The following DNAH11 variants were observed in gnomAD, a reference collection of about 807,000 sequenced individuals.
DNAH11 encodes dynein axonemal heavy chain 11.
A neutral mutation model predicts 526.0 loss-of-function variants in DNAH11; 442 were observed. The observed-to-expected ratio is 0.84, with a 90% confidence interval of 0.78 to 0.91. The LOEUF is 0.91. Among genes scored for constraint, DNAH11 ranks in the 40% least tolerant of loss-of-function variants. The pLI is 0.00. For synonymous variants in DNAH11, 2,461 were observed against 1,935.9 expected (o/e 1.27, Z -7.12); for missense variants, 6,989 against 5,448.7 (o/e 1.28, Z -8.90).
chr7:21,722,118 T>C (rs189847234), intron 44 of DNAH11, among the ~76,000 whole-genome samples: 119 of 152,322 alleles, frequency 7.8e-4, no homozygotes, highest in African/African-American at 2.7e-3. Flanking sequence ...TTTGCAGATC[T>C]AATTGCCACC....
chr7:21,603,692 C>G (rs545022865), intron 18 of DNAH11, among the ~76,000 whole-genome samples: 1 of 152,130 alleles, frequency 6.6e-6, no homozygotes. Flanking sequence ...TAGACAGATA[C>G]ATACATAACA....
intron 62 of DNAH11, among the ~76,000 whole-genome samples, chr7:21,802,246 A>T (rs1789027091): frequency 2.0e-5 from 3 of 152,364 alleles, no homozygotes; most frequent in South Asian, 4.1e-4. Context: ...GCTCAACTCC[A>T]TTAGTCGTTA....
At chr7:21,572,913 CCTTGTAAGATGCCTGG>C (rs1030989942) in intron 8 of DNAH11, among the ~76,000 whole-genome samples, 2 of 152,124 alleles carry the variant, frequency 1.3e-5, no homozygotes, top group African/African-American at 4.8e-5. Context: ...ATCCCCAAAG[CCTTGTAAGATGCCTGG>C]CACTTGGAAG....
chr7:21,543,198 C>A lies in DNAH11; in HGVS notation c.-48C>A. The A allele has an allele frequency of 2.0e-6, 3 of 1,468,558 alleles. No individual in the cohort carries two copies. Among genetic ancestry groups the A allele is most frequent in the South Asian group, 1.4e-5 (1 of 72,086 alleles). 91.0% of individuals were successfully genotyped at this position (1,468,558 alleles called of 1,614,324 possible). On this transcript the variant is annotated 5_prime_UTR_variant, in exon 1 of 82. Transcript: ENST00000409508. ...TCGCTCACTTCGGGGGGCCCAGAGT[C>A]TCGGGTGAGGAGCCAGCCGGCCTCG...
intron 62 of DNAH11, 80 bp downstream of exon 62, chr7:21,801,355 A>C: frequency 6.5e-7 from 1 of 1,542,842 alleles, no homozygotes; most frequent in Non-Finnish European, 8.8e-7. Context: ...CATCAATAAT[A>C]ACTAAATAGA....
intron 66 of DNAH11, among the ~76,000 whole-genome samples, chr7:21,849,136 C>T (rs569765371): frequency 5.9e-5 from 9 of 152,332 alleles, no homozygotes; most frequent in South Asian, 2.1e-4. Flanking sequence ...CCACCTGCCT[C>T]GGCCTCCCAA....
At position 21,564,323 on chromosome 7, in the gene DNAH11, C is replaced by G; in HGVS notation, c.1120C>G (p.His374Asp). 2 of 1,613,582 alleles carry G rather than the reference C, an allele frequency of 1.2e-6. No individual in the cohort carries two copies. Among genetic ancestry groups the G allele is most frequent in the Non-Finnish European group, 1.7e-6 (2 of 1,179,726 alleles). ...LFHTICLIWSHSKFYNTPARV... is the reference protein window; with the variant it reads ...LFHTICLIWSDSKFYNTPARV... Reference sequence around the variant, plus strand: ...TCATACCATCTGTCTGATCTGGAGTCATTCCAAGTTTTATAACACCCCAGC... The same window carrying G: ...TCATACCATCTGTCTGATCTGGAGTGATTCCAAGTTTTATAACACCCCAGC... Residue 374 changes from histidine (H) to aspartate (D), a missense_variant, in exon 6 of 82, where the codon CAT becomes GAT. His to Asp is a moderately conservative substitution (Grantham distance 81). Coordinates refer to ENST00000409508, the MANE Select transcript of DNAH11 (RefSeq NM_001277115.2).
intron 20 of DNAH11, among the ~76,000 whole-genome samples, chr7:21,607,147 C>G (rs1230580766): frequency 1.3e-5 from 2 of 152,214 alleles, no homozygotes; most frequent in Non-Finnish European, 2.9e-5. Context: ...AGGCCCCAGA[C>G]TCCCTAGCAA....
At chr7:21,764,040 G>A (rs1467848905) in intron 54 of DNAH11, among the ~76,000 whole-genome samples, 1 of 151,894 alleles carries the variant, frequency 6.6e-6, no homozygotes, top group Non-Finnish European at 1.5e-5. Flanking sequence ...TGGAGGGAGG[G>A]GAAATAGAGA....
chr7:21,883,617 G>A (rs1784013230), intron 75 of DNAH11, among the ~76,000 whole-genome samples: 1 of 152,162 alleles, frequency 6.6e-6, no homozygotes, highest in East Asian at 1.9e-4. Context: ...CTGATATAAA[G>A]CAGATAATAA....
intron 36 of DNAH11, among the ~76,000 whole-genome samples, chr7:21,698,583 C>G (rs1037520528): frequency 2.0e-5 from 3 of 152,160 alleles, no homozygotes; most frequent in Non-Finnish European, 4.4e-5. Context: ...GCTTTCCATT[C>G]CTGAGTTACT....
chr7:21,797,405 G>A (rs1788768695), intron 61 of DNAH11, among the ~76,000 whole-genome samples: 1 of 151,540 alleles, frequency 6.6e-6, no homozygotes, highest in South Asian at 2.1e-4. Flanking sequence ...TTTTAGTAGA[G>A]ACGGGGTTTC....
intron 9 of DNAH11, among the ~76,000 whole-genome samples, chr7:21,583,584 G>A (rs1309575515): frequency 6.6e-6 from 1 of 152,132 alleles, no homozygotes. Context: ...TTGACAAATG[G>A]GATCTAATTA....
In DNAH11 at chr7:21,717,758, T is replaced by C; in HGVS notation, c.6984-17T>C. Reference sequence around the variant, plus strand: ...AAGCCTAGTGTTCAATAAAAGCTTTTCTGTGTTCCTTTTCAGGTATGTGGC... The same window carrying C: ...AAGCCTAGTGTTCAATAAAAGCTTTCCTGTGTTCCTTTTCAGGTATGTGGC... On this transcript the variant is annotated splice_polypyrimidine_tract_variant and intron_variant, in intron 42 of 81. Coordinates refer to ENST00000409508, the MANE Select transcript of DNAH11 (RefSeq NM_001277115.2). 6.2e-7 allele frequency: 1 copy of C among 1,613,430 alleles called. No individual in the cohort carries two copies. The highest frequency in any genetic ancestry group is 8.5e-7 in the Non-Finnish European group (1 of 1,179,660).
At chr7:21,567,670 C>A (rs761021266) in intron 6 of DNAH11, among the ~76,000 whole-genome samples, 1 of 152,216 alleles carries the variant, frequency 6.6e-6, no homozygotes, top group Non-Finnish European at 1.5e-5. Context: ...CCTTTCTGAT[C>A]TACTTTACTC....
At chr7:21,738,642 T>G in intron 46 of DNAH11, 59 bp from the exon 47 acceptor site, 3 of 1,471,758 alleles carry the variant, frequency 2.0e-6, no homozygotes, top group Non-Finnish European at 1.8e-6. Flanking sequence ...AAGAGAAAAA[T>G]GACTAAATGA....
chr7:21,623,944 A>T lies in DNAH11; in HGVS notation c.4500+3866A>T, dbSNP rs185638334. Among the ~76,000 whole-genome samples, 544 of 151,704 alleles carry T rather than the reference A, an allele frequency of 3.6e-3. 5 individuals carry two copies. The highest frequency in any genetic ancestry group is 0.013 in the African/African-American group (526 of 41,436). On this transcript the variant is annotated intron_variant, in intron 25 of 81. Transcript: ENST00000409508. ...ACTAACCTGCACATTGTGCACATGTACCCTAAAACTTAAAGTATAATAATA... is the reference window on the plus strand; with the variant it reads ...ACTAACCTGCACATTGTGCACATGTTCCCTAAAACTTAAAGTATAATAATA...
chr7:21,723,976 C>T (rs1784979574), intron 44 of DNAH11, among the ~76,000 whole-genome samples: 1 of 152,356 alleles, frequency 6.6e-6, no homozygotes, highest in South Asian at 2.1e-4. Flanking sequence ...GACGACACAT[C>T]TTCATGTTCC....
chr7:21,844,962 G>C (rs1375972471), intron 66 of DNAH11, among the ~76,000 whole-genome samples: 2 of 152,318 alleles, frequency 1.3e-5, no homozygotes, highest in Admixed American at 6.5e-5. Flanking sequence ...CACCAAGTCA[G>C]AGTTCAAAGG....
Sources: allele counts gnomAD v4.1 joint callset (sites outside exome capture counted in the v4.1 genomes callset), GRCh38; gene constraint gnomAD v4.1.1; transcripts MANE v1.5; gene names NCBI Gene and HGNC (gene_info 2026-07-23, HGNC 2026-07-21).